The following NBPF3 variants were observed in gnomAD, a reference collection of about 807,000 sequenced individuals.
The protein encoded by NBPF3 is NBPF member 3.
A neutral mutation model predicts 78.1 loss-of-function variants in NBPF3; 57 were observed. The observed-to-expected ratio is 0.73, with a 90% confidence interval of 0.59 to 0.91. The LOEUF (loss-of-function observed/expected upper bound fraction) is 0.91, where lower values mean the gene tolerates loss of function less well. NBPF3 is among the 40% of genes least tolerant of loss of function. The probability of loss-of-function intolerance (pLI) is 0.00; values close to 1 mark genes in which losing one functional copy is unlikely to be tolerated. For missense variants in NBPF3, 510 were observed against 715.3 expected (o/e 0.71, Z 3.27); for synonymous variants, 182 against 271.7 (o/e 0.67, Z 3.25).
At chr1:21,480,564 A>T (rs1273352126) in intron 11 of NBPF3, among the ~76,000 whole-genome samples, 4 of 152,132 alleles carry the variant, frequency 2.6e-5, no homozygotes, top group Non-Finnish European at 5.9e-5. Flanking sequence ...AGTGTCTTGC[A>T]ACCACGAATG....
intron 2 of NBPF3, chr1:21,467,035 G>A (rs1433737299): frequency 7.1e-6 from 7 of 984,468 alleles, no homozygotes; most frequent in East Asian, 2.3e-4. Context: ...AGTAAGCCAC[G>A]TAACTCTGTG....
Position 21,468,785 on chromosome 1 carries a change from C to G in NBPF3, c.231C>G (p.Asn77Lys), listed in dbSNP as rs1558495776. Residue 77 changes from asparagine (N) to lysine (K), a missense_variant, in exon 3 of 15, where the codon AAC (asparagine) becomes AAG (lysine). Transcript: ENST00000318249. ...EKAEMNILEI[N>K]KKSRPQLAEN... ...CAGAGATGAACATTCTAGAAATCAA[C>G]AAGAAATCGCGCCCCCAGCTGGCAG... is the stretch of plus-strand genomic sequence containing the variant. 3 of 1,613,940 alleles carry G rather than the reference C, an allele frequency of 1.9e-6. No individual in the cohort carries two copies. The highest frequency in any genetic ancestry group is 2.5e-6 in the Non-Finnish European group (3 of 1,179,926).
intron 2 of NBPF3, among the ~76,000 whole-genome samples, chr1:21,458,342 A>G (rs1025793366): frequency 1.3e-5 from 2 of 149,526 alleles, no homozygotes; most frequent in African/African-American, 4.9e-5. Context: ...GTTACATTCC[A>G]GCCTTTGTAA....
At position 21,441,043 on chromosome 1, in the gene NBPF3, C is replaced by T. The variant is rs2147883398; in HGVS notation, c.-140+695C>T. The T allele has an allele frequency of 2.0e-5, 3 of 152,352 alleles. No individual in the cohort carries two copies. The East Asian group carries it at 5.8e-4, about 29-fold the overall frequency. 9.4% of individuals were successfully genotyped at this position (152,352 alleles called of 1,614,324 possible). A position where few individuals can be genotyped will look rare whatever the true frequency, so the allele number is the denominator to read the frequency against. On this transcript the variant is annotated intron_variant, in intron 1 of 14. Coordinates refer to ENST00000318249, the MANE Select transcript of NBPF3 (RefSeq NM_032264.6). ...TGGCGTCCTTTCACCGAAGAGTTAACCAAGACGTTTGGCCTAGTTTCCTTG... is the reference window on the plus strand; with the variant it reads ...TGGCGTCCTTTCACCGAAGAGTTAATCAAGACGTTTGGCCTAGTTTCCTTG...
chr1:21,466,491 A>G (rs536741903), intron 2 of NBPF3, among the ~76,000 whole-genome samples: 2 of 152,262 alleles, frequency 1.3e-5, no homozygotes, highest in South Asian at 4.2e-4. Context: ...GGTATTCCAT[A>G]GAAGAGTGAA....
At chr1:21,471,328 C>T (rs987824591) in intron 4 of NBPF3, among the ~76,000 whole-genome samples, 1 of 152,162 alleles carries the variant, frequency 6.6e-6, no homozygotes, top group African/African-American at 2.4e-5. Context: ...CTTTTGTTGA[C>T]AGAAGAGAAA....
chr1:21,463,534 A>G (rs6426697), intron 2 of NBPF3, among the ~76,000 whole-genome samples: 1 of 152,270 alleles, frequency 6.6e-6, no homozygotes, highest in Non-Finnish European at 1.5e-5. Flanking sequence ...TGAAGGAAAC[A>G]TAGGTACAAA....
intron 1 of NBPF3, among the ~76,000 whole-genome samples, chr1:21,443,897 CA>C (rs1640810388): frequency 6.6e-6 from 1 of 152,148 alleles, no homozygotes; most frequent in South Asian, 2.1e-4. Context: ...AAGCATGAGC[CA>C]TCACACCTGG....
intron 1 of NBPF3, chr1:21,442,373 A>G (rs1376025168): frequency 1.3e-5 from 2 of 151,688 alleles, no homozygotes; most frequent in Non-Finnish European, 2.9e-5. Flanking sequence ...GTACCACCAC[A>G]CTCAGCTGTT....
intron 3 of NBPF3, among the ~76,000 whole-genome samples, chr1:21,469,388 T>G (rs2147982900): frequency 6.6e-6 from 1 of 152,306 alleles, no homozygotes; most frequent in East Asian, 1.9e-4. Flanking sequence ...AAGGGGAGTC[T>G]GCTCCTAATA....
chr1:21,439,832 T>G (rs984965268), upstream of NBPF3, among the ~76,000 whole-genome samples: 35 of 152,154 alleles, frequency 2.3e-4, no homozygotes, highest in African/African-American at 7.2e-4. Flanking sequence ...GTCTTCTGCT[T>G]CTTTAACCTG....
chr1:21,470,715 G>C lies in NBPF3; in HGVS notation c.427G>C (p.Gly143Arg). The change falls in exon 4 of 15, where the codon GGG becomes CGG. Residue 143 changes from glycine (G) to arginine (R), a missense_variant. By Grantham distance (125) the Gly-to-Arg change is moderately radical (BLOSUM62 -2). Coordinates refer to ENST00000318249, the MANE Select transcript of NBPF3 (RefSeq NM_032264.6). The stretch of plus-strand genomic sequence containing the variant: ...AGAAGAGAAGCTTGCAGAGGAGCTC[G>C]GGCAAGCTGAGGAGCTCAGGTGAGT... ...LTEEKLAEEL[G>R]QAEELRQYKV... The C allele has an allele frequency of 6.3e-7, 1 of 1,598,522 alleles. No homozygotes were observed.
upstream of NBPF3, chr1:21,437,328 T>G: frequency 4.7e-6 from 2 of 426,642 alleles, no homozygotes; most frequent in Non-Finnish European, 8.3e-6. Flanking sequence ...GTGGGGGCTT[T>G]GATTGGAGTT....
intron 2 of NBPF3, among the ~76,000 whole-genome samples, chr1:21,462,204 G>A (rs9426756): frequency 1.3e-5 from 2 of 152,130 alleles, no homozygotes; most frequent in Non-Finnish European, 2.9e-5. Context: ...GATAAATTAC[G>A]CAGCCGCCGG....
At chr1:21,465,548 G>A (rs1204697807) in intron 2 of NBPF3, among the ~76,000 whole-genome samples, 3 of 152,196 alleles carry the variant, frequency 2.0e-5, no homozygotes, top group African/African-American at 7.2e-5. Flanking sequence ...AGAAACTTTT[G>A]AGGGAACCTA....
At chr1:21,480,430 TCCAGCC>T (rs1417267136) in intron 11 of NBPF3, among the ~76,000 whole-genome samples, 2 of 113,312 alleles carry the variant, frequency 1.8e-5, no homozygotes, top group African/African-American at 5.2e-5. Context: ...ATTCCTAGTC[TCCAGCC>T]ATGCCTGTGG....
At position 21,472,914 on chromosome 1, in the gene NBPF3, A is replaced by T; in HGVS notation, c.733A>T (p.Arg245Trp). ...GAAAGTACAGGAATTATATGCCCCC[A>T]GGTAACGCTGAATAATCGGGAGCAA... ...AEKVQELYAPREVQKAEEKEV... is the reference protein window; with the variant it reads ...AEKVQELYAPWEVQKAEEKEV... Residue 245 changes from arginine to tryptophan, a missense_variant and splice_region_variant, in exon 6 of 15, where the codon AGG becomes TGG. Physicochemically the swap from Arg to Trp is moderately radical, Grantham distance 101. Around this residue, in one of 5 missense-constraint regions of NBPF3, gnomAD observed 440 missense variants for 478.2 expected, o/e 0.92. Transcript: ENST00000318249. 6.2e-7 allele frequency: 1 copy of T among 1,607,950 alleles called. No homozygotes were observed. The highest frequency in any genetic ancestry group is 8.5e-7 in the Non-Finnish European group (1 of 1,174,394).
At chr1:21,457,288 A>C (rs1469025169) in intron 2 of NBPF3, among the ~76,000 whole-genome samples, 1 of 151,570 alleles carries the variant, frequency 6.6e-6, no homozygotes, top group African/African-American at 2.4e-5. Flanking sequence ...CATAAAAAGA[A>C]ACCACAATAT....
chr1:21,438,255 G>C (rs1640465393), upstream of NBPF3, among the ~76,000 whole-genome samples: 1 of 151,996 alleles, frequency 6.6e-6, no homozygotes, highest in Non-Finnish European at 1.5e-5. Context: ...TGGAATTACA[G>C]GCGTGCACCA....
Sources: gnomAD v4.1 joint callset for allele counts (sites outside exome capture counted in the v4.1 genomes callset) on GRCh38, gnomAD v4.1.1 for gene constraint, gnomAD v4.1.1 regional missense constraint, MANE v1.5 for transcripts, NCBI Gene and HGNC (gene_info 2026-07-23, HGNC 2026-07-21) for gene names.